The following CWH43 variants were observed in gnomAD, a reference collection of about 807,000 sequenced individuals.
The protein encoded by CWH43 is PGAP2-interacting protein.
CWH43 carries 91 observed loss-of-function variants against 85.7 expected under a neutral mutation model. The observed-to-expected ratio is 1.06, with a 90% CI of 0.90 to 1.26. The LOEUF (loss-of-function observed/expected upper bound fraction) is 1.26. CWH43 is among the 50% of genes most tolerant of loss of function. The pLI is 0.00. For synonymous variants in CWH43, 323 were observed against 293.6 expected (o/e 1.10, Z -1.02); for missense variants, 869 against 839.2 (o/e 1.04, Z -0.44).
At chr4:49,010,031 GA>G (rs1313531161) in intron 8 of CWH43, among the ~76,000 whole-genome samples, 1 of 152,178 alleles carries the variant, frequency 6.6e-6, no homozygotes, top group African/African-American at 2.4e-5. Context: ...CTATTGATTG[GA>G]ATAGTTTTAG....
intron 9 of CWH43, among the ~76,000 whole-genome samples, chr4:49,027,972 T>A (rs996935735): frequency 6.6e-6 from 1 of 152,058 alleles, no homozygotes; most frequent in Admixed American, 6.5e-5. Flanking sequence ...ACAGCAAGGG[T>A]GTTACATCAT....
chr4:48,991,878 T>C (rs1782670669), intron 3 of CWH43, 58 bp from the exon 4 acceptor site: 16 of 1,395,238 alleles, frequency 1.1e-5, no homozygotes, highest in Non-Finnish European at 1.6e-5. Context: ...AAATTCATGA[T>C]GGACATAGTA....
At chr4:49,052,268 T>G (rs1184888024) in intron 15 of CWH43, among the ~76,000 whole-genome samples, 1 of 152,150 alleles carries the variant, frequency 6.6e-6, no homozygotes, top group Non-Finnish European at 1.5e-5. Context: ...ATCTGTCTGG[T>G]TCAAATCCTC....
intron 10 of CWH43, among the ~76,000 whole-genome samples, chr4:49,030,317 A>T (rs1230762759): frequency 6.6e-6 from 1 of 152,240 alleles, no homozygotes; most frequent in Non-Finnish European, 1.5e-5. Context: ...CTCCTGAGAC[A>T]TATGAGTGTC....
chr4:49,013,472 C>T (rs914756702), intron 8 of CWH43, among the ~76,000 whole-genome samples: 1 of 152,262 alleles, frequency 6.6e-6, no homozygotes, highest in Non-Finnish European at 1.5e-5. Flanking sequence ...CCACGCCCTA[C>T]TTCAGATCAC....
chr4:49,017,073 A>G, intron 8 of CWH43, 176 bp from the exon 9 acceptor site: 3 of 734,128 alleles, frequency 4.1e-6, no homozygotes, highest in South Asian at 1.5e-5. Flanking sequence ...GGTCACGTTC[A>G]GTGTCAATGA....
In CWH43 at chr4:48,986,472, G is replaced by T. The variant is rs1342675165; in HGVS notation, c.43G>T (p.Gly15Ter). The change falls in exon 1 of 16, where the codon GGA becomes TGA. Residue 15 changes from glycine (G) to a stop codon, truncating the protein, a stop_gained and splice_region_variant. Transcript: ENST00000226432. LOFTEE classifies it high-confidence loss of function. ...WREILLESLL[G>*]CVSWSLYHDL... Reference sequence around the variant, plus strand: ...AGAAATCCTCTTGGAGTCGCTGCTGGGTAAGCCGAAGCCCCTCGCCGCGAG... The same window carrying T: ...AGAAATCCTCTTGGAGTCGCTGCTGTGTAAGCCGAAGCCCCTCGCCGCGAG... The T allele has an allele frequency of 3.2e-6, 5 of 1,554,726 alleles. No individual in the cohort carries two copies. Among genetic ancestry groups the T allele is most frequent in the Non-Finnish European group, 3.5e-6 (4 of 1,148,638 alleles).
chr4:48,992,202 A>G lies in CWH43; in HGVS notation c.511+112A>G, dbSNP rs1476331722. 1.1e-6 allele frequency: 1 copy of G among 946,070 alleles called. No individual in the cohort carries two copies. The highest frequency in any genetic ancestry group is 1.9e-5 in the South Asian group (1 of 53,818). The allele number at this position is 946,070 out of a possible 1,614,324, so 58.6% of individuals were successfully genotyped here. The stretch of plus-strand genomic sequence containing the variant: ...AGTAGTCTTTCTGCATTATATCTAT[A>G]TTTCAGCTTTTTCTTCCTCTGAAAT... On this transcript the variant is annotated intron_variant, in intron 4 of 15. Coordinates refer to ENST00000226432, the MANE Select transcript of CWH43 (RefSeq NM_025087.3). The surrounding 1 kb of genome is among the most constrained non-coding windows in gnomAD (Gnocchi z 4.3).
chr4:48,994,148 T>C (rs1245935769), intron 4 of CWH43, among the ~76,000 whole-genome samples: 1 of 152,196 alleles, frequency 6.6e-6, no homozygotes, highest in Non-Finnish European at 1.5e-5. Flanking sequence ...AAAGTTAATA[T>C]ACAGGGCTTG....
intron 15 of CWH43, among the ~76,000 whole-genome samples, chr4:49,054,469 G>A (rs1240525414): frequency 5.9e-5 from 9 of 152,020 alleles, no homozygotes; most frequent in Non-Finnish European, 7.4e-5. Flanking sequence ...CTTTTTGCTC[G>A]TGATTGCTTA....
rs1158025168 is a variant in CWH43 at position 49,045,687 on chromosome 4, C to G, written c.1865+840C>G. Among the ~76,000 whole-genome samples, 15 of 152,232 alleles carry G rather than the reference C, an allele frequency of 9.9e-5. No homozygotes were observed. In the South Asian group the frequency reaches 2.7e-3, roughly 27 times the overall value. ...ATGCACTATGATGTCCACACAATGACAAAATCGCCTTATGACACATTTCTT... is the reference window on the plus strand; with the variant it reads ...ATGCACTATGATGTCCACACAATGAGAAAATCGCCTTATGACACATTTCTT... On this transcript the variant is annotated intron_variant, in intron 14 of 15. Transcript: ENST00000226432.
At chr4:49,012,660 G>A (rs183530276) in intron 8 of CWH43, among the ~76,000 whole-genome samples, 6 of 152,272 alleles carry the variant, frequency 3.9e-5, no homozygotes, top group African/African-American at 1.4e-4. Flanking sequence ...GAGTTTTGGT[G>A]TGGATGTCCT....
chr4:49,010,167 C>A (rs1350065158), intron 8 of CWH43, among the ~76,000 whole-genome samples: 1 of 152,088 alleles, frequency 6.6e-6, no homozygotes, highest in Non-Finnish European at 1.5e-5. Flanking sequence ...TGTTGTTGGT[C>A]TATTCAGAGA....
At chr4:49,050,621 G>T (rs1288985723) in intron 14 of CWH43, 73 bp from the exon 15 acceptor site, 3 of 1,163,608 alleles carry the variant, frequency 2.6e-6, no homozygotes, top group Non-Finnish European at 3.7e-6. Context: ...ATAACAAAGG[G>T]GTATCACTTG....
At chr4:49,016,911 ATGCCAGGGC>A (rs1783565531) in intron 8 of CWH43, 1 of 784,886 alleles carries the variant, frequency 1.3e-6, no homozygotes, top group Non-Finnish European at 2.4e-6. Flanking sequence ...GTCTTTGATT[ATGCCAGGGC>A]TGATCTCCCC....
At chr4:49,000,314 T>C (rs140745881) in intron 6 of CWH43, among the ~76,000 whole-genome samples, 4 of 152,286 alleles carry the variant, frequency 2.6e-5, no homozygotes, top group Non-Finnish European at 4.4e-5. Flanking sequence ...ATCGATGAGG[T>C]TGGCCAGGTC....
chr4:49,043,685 A>G (rs936557403), intron 13 of CWH43, among the ~76,000 whole-genome samples: 3 of 152,182 alleles, frequency 2.0e-5, no homozygotes, highest in African/African-American at 7.2e-5. Flanking sequence ...CAAGTCTTAC[A>G]GCATCTTTAA....
At position 48,992,145 on chromosome 4, in the gene CWH43, A is replaced by G. The variant is rs1293540329; in HGVS notation, c.511+55A>G. 6 of 1,400,974 alleles carry G rather than the reference A, an allele frequency of 4.3e-6. No homozygotes were observed. The East Asian group carries it at 1.2e-4, about 27-fold the overall frequency. 86.8% of individuals were successfully genotyped at this position (1,400,974 alleles called of 1,614,324 possible). A position where few individuals can be genotyped will look rare whatever the true frequency, so the allele number is the denominator to read the frequency against. Reference sequence around the variant, plus strand: ...TGCAGAGCTTACCTTTCCTATGTGAATGTTGCACATCTTGGAAAGAAAATC... The same window carrying G: ...TGCAGAGCTTACCTTTCCTATGTGAGTGTTGCACATCTTGGAAAGAAAATC... On this transcript the variant is annotated intron_variant, in intron 4 of 15. Coordinates refer to ENST00000226432, the MANE Select transcript of CWH43 (RefSeq NM_025087.3). The surrounding 1 kb of genome is among the most constrained non-coding windows in gnomAD (Gnocchi z 4.3).
chr4:48,998,640 A>G lies in CWH43; in HGVS notation c.802+92A>G, dbSNP rs917553222. ...CGCAACTCGACTGAAAGTAGATACA[A>G]CCATACAAATATGTACTGTGGCCAA... On this transcript the variant is annotated intron_variant, in intron 6 of 15. Transcript: ENST00000226432. The G allele has an allele frequency of 3.2e-6, 3 of 926,320 alleles. No homozygotes were observed. In the African/African-American group the frequency reaches 4.9e-5, roughly 15 times the overall value. The allele number at this position is 926,320 out of a possible 1,614,324, so 57.4% of individuals were successfully genotyped here. A position where few individuals can be genotyped will look rare whatever the true frequency, so the allele number is the denominator to read the frequency against.
Sources: gnomAD v4.1 joint callset for allele counts (sites outside exome capture counted in the v4.1 genomes callset) on GRCh38, gnomAD v4.1.1 for gene constraint, Gnocchi (gnomAD v3.1) non-coding constraint, MANE v1.5 for transcripts, NCBI Gene and HGNC (gene_info 2026-07-23, HGNC 2026-07-21) for gene names.